The following RAD1 variants were observed in gnomAD, a reference collection of about 807,000 sequenced individuals.
RAD1 encodes RAD1 checkpoint DNA exonuclease.
Under a neutral mutation model 30.0 loss-of-function variants are expected in RAD1, and 21 were observed. The observed-to-expected ratio is 0.70, with a 90% confidence interval of 0.50 to 1.01. The LOEUF (loss-of-function observed/expected upper bound fraction) is 1.01, where lower values mean the gene tolerates loss of function less well. Ranked by LOEUF, RAD1 falls within the 50% of genes least tolerant of loss-of-function variation. RAD1 has a pLI of 0.00. For synonymous variants in RAD1, 109 were observed against 113.6 expected (o/e 0.96, Z 0.26); for missense variants, 329 against 329.0 (o/e 1.00, Z 0.00).
At position 34,906,738 on chromosome 5, in the gene RAD1, GGA is replaced by G. The variant is rs1763665944; in HGVS notation, c.*2025_*2026del. On this transcript the variant is annotated 3_prime_UTR_variant, in exon 6 of 6. Coordinates refer to ENST00000382038, the MANE Select transcript of RAD1 (RefSeq NM_002853.4). The stretch of plus-strand genomic sequence containing the variant: ...AGATGCTAAAAGAAAATCTGAAATT[GGA>G]GAGTCTTTCATCTAACAGAGTTACT... 2 of 152,276 alleles carry G rather than the reference GGA, an allele frequency of 1.3e-5. No homozygotes were observed. The highest frequency in any genetic ancestry group is 1.9e-4 in the East Asian group (1 of 5,186). The allele number at this position is 152,276 out of a possible 1,614,324, so 9.4% of individuals were successfully genotyped here.
In RAD1 at chr5:34,905,637, AAGAG is replaced by A. The variant is rs1763624594; in HGVS notation, c.*3124_*3127del. ...TCACAGTAAGCACCATTTTACTAGA[AAGAG>A]AGATAAACTTCAAAAAGACAGAACT... On this transcript the variant is annotated 3_prime_UTR_variant, in exon 6 of 6. Coordinates refer to ENST00000382038, the MANE Select transcript of RAD1 (RefSeq NM_002853.4). 1 of 152,312 alleles carries A rather than the reference AAGAG, an allele frequency of 6.6e-6. No homozygotes were observed. The highest frequency in any genetic ancestry group is 1.9e-4 in the East Asian group (1 of 5,180). The allele number at this position is 152,312 out of a possible 1,614,324, so 9.4% of individuals were successfully genotyped here.
At position 34,913,908 on chromosome 5, in the gene RAD1, G is replaced by A. The variant is rs187120648; in HGVS notation, c.199-330C>T. ...TTTATTATGATTTTTTATTGATACG[G>A]GGGTCTCACTATGATTACCCAGGCT... On this transcript the variant is annotated intron_variant, in intron 2 of 5. Transcript: ENST00000382038. 5.1e-5 allele frequency: 23 copies of A among 452,688 alleles called. No homozygotes were observed. The East Asian group carries it at 1.3e-3, about 26-fold the overall frequency. The allele number at this position is 452,688 out of a possible 1,614,324, so 28.0% of individuals were successfully genotyped here. A position where few individuals can be genotyped will look rare whatever the true frequency, so the allele number is the denominator to read the frequency against.
chr5:34,909,846 T>C (rs1226499832), intron 4 of RAD1, among the ~76,000 whole-genome samples: 1 of 152,212 alleles, frequency 6.6e-6, no homozygotes, highest in African/African-American at 2.4e-5. Context: ...AGTGTTAACA[T>C]GCTGATTTAA....
Position 34,908,477 on chromosome 5 carries a change from C to A in RAD1, c.*288G>T, listed in dbSNP as rs953317177. Reference sequence around the variant, plus strand: ...GCCACCACACCCGGCCACCTTTAGACTCTTGAAATGTTACGCTGACTCACA... The same window carrying A: ...GCCACCACACCCGGCCACCTTTAGAATCTTGAAATGTTACGCTGACTCACA... On this transcript the variant is annotated 3_prime_UTR_variant, in exon 6 of 6. Transcript: ENST00000382038. The A allele has an allele frequency of 4.1e-5, 9 of 217,102 alleles. No individual in the cohort carries two copies. The highest frequency in any genetic ancestry group is 9.7e-5 in the East Asian group (1 of 10,280). 13.4% of individuals were successfully genotyped at this position (217,102 alleles called of 1,614,324 possible). A position where few individuals can be genotyped will look rare whatever the true frequency, so the allele number is the denominator to read the frequency against.
intron 4 of RAD1, among the ~76,000 whole-genome samples, chr5:34,911,328 G>A (rs1309191557): frequency 1.3e-5 from 2 of 151,972 alleles, no homozygotes; most frequent in Non-Finnish European, 1.5e-5. Flanking sequence ...TAGAGGACTG[G>A]GCTTCTCATC....
At position 34,908,080 on chromosome 5, in the gene RAD1, A is replaced by G. The variant is rs960862096; in HGVS notation, c.*685T>C. On this transcript the variant is annotated 3_prime_UTR_variant, in exon 6 of 6. Transcript: ENST00000382038. The stretch of plus-strand genomic sequence containing the variant: ...AGATCTAGTCTCTAGAATTCAAACT[A>G]ATAAGCAATGCCCATATGCCTTTGC... 2 of 152,098 alleles carry G rather than the reference A, an allele frequency of 1.3e-5. No homozygotes were observed. Among genetic ancestry groups the G allele is most frequent in the African/African-American group, 4.8e-5 (2 of 41,424 alleles). 9.4% of individuals were successfully genotyped at this position (152,098 alleles called of 1,614,324 possible).
intron 2 of RAD1, chr5:34,913,828 C>A (rs548194828): frequency 3.8e-6 from 2 of 520,674 alleles, no homozygotes; most frequent in Non-Finnish European, 7.3e-6. Flanking sequence ...CTGCTAAGGT[C>A]ACTTGGAAAA....
At chr5:34,915,379 T>C (rs1194741320) in intron 1 of RAD1, 37 bp downstream of exon 1, 2 of 243,910 alleles carry the variant, frequency 8.2e-6, no homozygotes, top group Non-Finnish European at 1.6e-5. Context: ...ACAGCATCGC[T>C]TACTAGTCTC....
In RAD1 at chr5:34,908,922, G is replaced by C; in HGVS notation, c.692C>G (p.Ser231Cys). 1 of 1,608,368 alleles carries C rather than the reference G, an allele frequency of 6.2e-7. No individual in the cohort carries two copies. The highest frequency in any genetic ancestry group is 8.5e-7 in the Non-Finnish European group (1 of 1,178,464). Residue 231 changes from serine to cysteine, a missense_variant, in exon 6 of 6, where the codon TCT (serine) becomes TGT (cysteine). Coordinates refer to ENST00000382038, the MANE Select transcript of RAD1 (RefSeq NM_002853.4). ...ACAAGATAGGACTAATGCCTTTGTA[G>C]AGGGTTTCAGTAAGGAAATCTTGTA... The part of the protein sequence containing the change: ...NRYKISLLKP[S>C]TKALVLSCKV...
intron 4 of RAD1, 34 bp from the exon 5 acceptor site, chr5:34,909,390 TC>T: frequency 3.4e-6 from 5 of 1,457,568 alleles, no homozygotes; most frequent in Non-Finnish European, 3.8e-6. Flanking sequence ...TATTCATTCA[TC>T]CAAAAATAAA....
In RAD1 at chr5:34,911,804, T is replaced by C. The variant is rs1213919623; in HGVS notation, c.316A>G (p.Thr106Ala). The C allele has an allele frequency of 1.2e-6, 2 of 1,613,958 alleles. No homozygotes were observed. Among genetic ancestry groups the C allele is most frequent in the Non-Finnish European group, 1.7e-6 (2 of 1,179,984 alleles). The change falls in exon 4 of 6, where the codon ACT becomes GCT. Residue 106 changes from threonine to alanine, a missense_variant. Physicochemically the swap from Thr to Ala is moderately conservative, Grantham distance 58. Coordinates refer to ENST00000382038, the MANE Select transcript of RAD1 (RefSeq NM_002853.4). Reference sequence around the variant, plus strand: ...CCTTGGTAACACATTCGAAGTGCAGTTAAAGTCCCTGCAATGGAAAGAAGT... The same window carrying C: ...CCTTGGTAACACATTCGAAGTGCAGCTAAAGTCCCTGCAATGGAAAGAAGT... ...FGSSPMPGTL[T>A]ALRMCYQGYG...
At chr5:34,912,928 G>A (rs1233507900) in intron 3 of RAD1, among the ~76,000 whole-genome samples, 1 of 152,176 alleles carries the variant, frequency 6.6e-6, no homozygotes, top group Non-Finnish European at 1.5e-5. Flanking sequence ...TTGAACCCGG[G>A]AGGCAGAGGT....
chr5:34,914,425 T>C (rs563115891), intron 2 of RAD1: 3 of 439,734 alleles, frequency 6.8e-6, no homozygotes, highest in Non-Finnish European at 8.2e-6. Flanking sequence ...GCCTAGCCAA[T>C]AGCCTAGTTT....
rs1286674561 is a variant in RAD1 at position 34,905,678 on chromosome 5, A to T, written c.*3087T>A. The T allele has an allele frequency of 6.6e-6, 1 of 152,220 alleles. No homozygotes were observed. The highest frequency in any genetic ancestry group is 1.5e-5 in the Non-Finnish European group (1 of 68,048). The allele number at this position is 152,220 out of a possible 1,614,324, so 9.4% of individuals were successfully genotyped here. The stretch of plus-strand genomic sequence containing the variant: ...AAAAAGACAGAACTAAAAGTCTTTA[A>T]ATATAAGACTGTATTCTTCTATATA... On this transcript the variant is annotated 3_prime_UTR_variant, in exon 6 of 6. Coordinates refer to ENST00000382038, the MANE Select transcript of RAD1 (RefSeq NM_002853.4).
chr5:34,910,587 C>T (rs1273347250), intron 4 of RAD1, among the ~76,000 whole-genome samples: 2 of 152,034 alleles, frequency 1.3e-5, no homozygotes, highest in Admixed American at 1.3e-4. Context: ...GCCACCACGC[C>T]CAACTAATTT....
chr5:34,911,897 A>T (rs1169207597), intron 3 of RAD1, 85 bp from the exon 4 acceptor site: 1 of 1,466,664 alleles, frequency 6.8e-7, no homozygotes, highest in East Asian at 2.3e-5. Flanking sequence ...AAATTTCTCA[A>T]GAATAATTTA....
At chr5:34,909,434 C>G in intron 4 of RAD1, 78 bp from the exon 5 acceptor site, 1 of 989,122 alleles carries the variant, frequency 1.0e-6, no homozygotes, top group Admixed American at 2.0e-5. Flanking sequence ...AAAACACTTC[C>G]TTAAGAAATT....
chr5:34,914,991 C>T (rs1764001246), intron 1 of RAD1, 30 bp from the exon 2 acceptor site: 1 of 1,360,428 alleles, frequency 7.4e-7, no homozygotes, highest in Non-Finnish European at 1.0e-6. Context: ...AAACTCCCAT[C>T]AGTGCTGGCG....
intron 2 of RAD1, chr5:34,913,858 T>G: frequency 2.1e-6 from 1 of 481,638 alleles, no homozygotes; most frequent in Non-Finnish European, 4.0e-6. Context: ...GACTTGATAA[T>G]GCATGAGCAA....
Sources: allele counts gnomAD v4.1 joint callset (sites outside exome capture counted in the v4.1 genomes callset), GRCh38; gene constraint gnomAD v4.1.1; transcripts MANE v1.5; gene names NCBI Gene and HGNC (gene_info 2026-07-23, HGNC 2026-07-21).